The following ME1 variants were observed in gnomAD, a reference collection of about 807,000 sequenced individuals.
The protein encoded by ME1 is malic enzyme 1.
A neutral mutation model predicts 66.4 loss-of-function variants in ME1; 74 were observed. That is an observed-to-expected ratio of 1.11 (90% confidence interval 0.92 to 1.35). The LOEUF is 1.35. ME1 is among the 40% of genes most tolerant of loss of function. The probability of loss-of-function intolerance (pLI) is 0.00; values close to 1 mark genes in which losing one functional copy is unlikely to be tolerated. For missense variants in ME1, 750 were observed against 694.1 expected (o/e 1.08, Z -0.90); for synonymous variants, 251 against 235.6 (o/e 1.07, Z -0.60).
intron 12 of ME1, among the ~76,000 whole-genome samples, chr6:83,220,506 G>A (rs1328462184): frequency 6.6e-6 from 1 of 152,180 alleles, no homozygotes; most frequent in Non-Finnish European, 1.5e-5. Context: ...AATATTCTTT[G>A]AGATTGGTGC....
intron 5 of ME1, among the ~76,000 whole-genome samples, chr6:83,316,870 G>C (rs557424076): frequency 6.6e-6 from 1 of 152,060 alleles, no homozygotes; most frequent in East Asian, 1.9e-4. Context: ...AAGAAAATAT[G>C]TGTAAGACCT....
intron 6 of ME1, among the ~76,000 whole-genome samples, chr6:83,301,377 C>T (rs1255266143): frequency 6.6e-6 from 1 of 151,400 alleles, no homozygotes; most frequent in Admixed American, 6.6e-5. Flanking sequence ...GAGTTGTGCT[C>T]AGTCGCCCAG....
At chr6:83,215,727 C>T (rs963437772) in intron 13 of ME1, among the ~76,000 whole-genome samples, 5 of 152,132 alleles carry the variant, frequency 3.3e-5, no homozygotes, top group South Asian at 2.1e-4. Context: ...AGGAGAGAGG[C>T]CTCAGAGGAA....
intron 6 of ME1, among the ~76,000 whole-genome samples, chr6:83,309,885 G>A (rs1767899050): frequency 6.6e-6 from 1 of 151,950 alleles, no homozygotes; most frequent in African/African-American, 2.4e-5. Flanking sequence ...GTGCTATCCT[G>A]GAAGCAAAGA....
chr6:83,212,215 G>T, intron 13 of ME1, 121 bp from the exon 14 acceptor site: 1 of 583,118 alleles, frequency 1.7e-6, no homozygotes, highest in Non-Finnish European at 2.8e-6. Flanking sequence ...AACATTAAGT[G>T]TATTATAATA....
chr6:83,295,256 A>G (rs1767576120), intron 6 of ME1, among the ~76,000 whole-genome samples: 3 of 152,220 alleles, frequency 2.0e-5, no homozygotes, highest in African/African-American at 7.2e-5. Context: ...CTAGAAAAGA[A>G]TTCTACTGCC....
chr6:83,365,992 T>C (rs1455798033), intron 3 of ME1, among the ~76,000 whole-genome samples: 1 of 152,178 alleles, frequency 6.6e-6, no homozygotes, highest in Admixed American at 6.5e-5. Context: ...AATGTTCAAC[T>C]CTTCTCTTTT....
intron 5 of ME1, among the ~76,000 whole-genome samples, chr6:83,341,243 T>C (rs1227557330): frequency 1.3e-5 from 2 of 152,206 alleles, no homozygotes; most frequent in Non-Finnish European, 2.9e-5. Context: ...GTCCTGATTT[T>C]ATAGGAAAAT....
intron 5 of ME1, among the ~76,000 whole-genome samples, chr6:83,332,194 A>ATAAGAG (rs1322392318): frequency 6.6e-6 from 1 of 152,200 alleles, no homozygotes; most frequent in Non-Finnish European, 1.5e-5. Context: ...AACTTAAAGA[A>ATAAGAG]TAAGAGTATT....
chr6:83,380,496 T>TA (rs1428760223), intron 3 of ME1, among the ~76,000 whole-genome samples: 3 of 151,362 alleles, frequency 2.0e-5, no homozygotes, highest in Middle Eastern at 3.4e-3. Context: ...AGAACCTAGC[T>TA]AAAAAAAAGT....
At chr6:83,329,661 T>G (rs886634999) in intron 5 of ME1, among the ~76,000 whole-genome samples, 6 of 152,302 alleles carry the variant, frequency 3.9e-5, no homozygotes, top group Admixed American at 2.0e-4. Flanking sequence ...TCATTTATAT[T>G]CCTTTTATAT....
intron 3 of ME1, among the ~76,000 whole-genome samples, chr6:83,354,980 T>G (rs1480151710): frequency 1.3e-5 from 2 of 152,232 alleles, no homozygotes; most frequent in Non-Finnish European, 2.9e-5. Context: ...TACTGATGAC[T>G]GTCTGACTCA....
At chr6:83,339,536 C>T (rs1213944228) in intron 5 of ME1, among the ~76,000 whole-genome samples, 916 of 22,480 alleles carry the variant, frequency 0.041, 1 homozygote, top group African/African-American at 0.1. Flanking sequence ...TTTATTGCGG[C>T]ACTATTCACA....
intron 1 of ME1, among the ~76,000 whole-genome samples, chr6:83,408,241 T>C: frequency 6.6e-6 from 1 of 152,156 alleles, no homozygotes; most frequent in East Asian, 1.9e-4. Context: ...AAAAAGTCAT[T>C]ATTAGAAGAG....
At chr6:83,245,684 A>T (rs1254496655) in intron 7 of ME1, among the ~76,000 whole-genome samples, 1 of 152,246 alleles carries the variant, frequency 6.6e-6, no homozygotes, top group Non-Finnish European at 1.5e-5. Flanking sequence ...CTGGGATTAC[A>T]GGCGTGAGCC....
At chr6:83,246,907 A>T (rs1347191049) in intron 7 of ME1, among the ~76,000 whole-genome samples, 1 of 152,160 alleles carries the variant, frequency 6.6e-6, no homozygotes, top group African/African-American at 2.4e-5. Flanking sequence ...TTGATAGAGA[A>T]AATCAGTTTC....
At chr6:83,361,353 C>T (rs953463984) in intron 3 of ME1, among the ~76,000 whole-genome samples, 2 of 152,182 alleles carry the variant, frequency 1.3e-5, no homozygotes, top group African/African-American at 4.8e-5. Context: ...GCCTAGTAGG[C>T]CGATTTGATT....
intron 5 of ME1, among the ~76,000 whole-genome samples, chr6:83,326,606 T>G (rs888561016): frequency 1.3e-5 from 2 of 152,120 alleles, no homozygotes; most frequent in African/African-American, 4.8e-5. Context: ...AAAGAAGGCA[T>G]GTATGTGGCC....
At position 83,216,607 on chromosome 6, in the gene ME1, A is replaced by C. The variant is rs1790000091; in HGVS notation, c.1450-11T>G. The C allele has an allele frequency of 6.4e-7, 1 of 1,569,932 alleles. No homozygotes were observed. Among genetic ancestry groups the C allele is most frequent in the Non-Finnish European group, 8.6e-7 (1 of 1,161,056 alleles). ...TTGCTGAGCTATAACCTTATGAAAAAAAGAAAGAAAAAAAGTGTTTATACT... is the reference window on the plus strand; with the variant it reads ...TTGCTGAGCTATAACCTTATGAAAACAAGAAAGAAAAAAAGTGTTTATACT... On this transcript the variant is annotated splice_polypyrimidine_tract_variant and intron_variant, in intron 12 of 13. Coordinates refer to ENST00000369705, the MANE Select transcript of ME1 (RefSeq NM_002395.6).
Sources: allele counts gnomAD v4.1 joint callset (sites outside exome capture counted in the v4.1 genomes callset), GRCh38; gene constraint gnomAD v4.1.1; transcripts MANE v1.5; gene names NCBI Gene and HGNC (gene_info 2026-07-23, HGNC 2026-07-21).